The following CUX2 variants were observed in gnomAD, a reference collection of about 807,000 sequenced individuals.
CUX2 encodes homeobox protein cut-like 2.
Under a neutral mutation model 144.8 loss-of-function variants are expected in CUX2, and 40 were observed. The ratio of observed to expected loss-of-function variants is 0.28; its 90% CI spans 0.21 to 0.36. The LOEUF (loss-of-function observed/expected upper bound fraction) is 0.36. Ranked by LOEUF, CUX2 falls within the 10% of genes least tolerant of loss-of-function variation. CUX2 has a pLI of 1.00. For synonymous variants in CUX2, 827 were observed against 875.6 expected (o/e 0.94, Z 0.98); for missense variants, 1,615 against 1,994.0 (o/e 0.81, Z 3.62).
intron 1 of CUX2, among the ~76,000 whole-genome samples, chr12:111,062,808 T>C (rs531152745): frequency 2.0e-5 from 3 of 152,296 alleles, no homozygotes; most frequent in South Asian, 4.2e-4. Flanking sequence ...AGGAGGCGCA[T>C]GGTAGTCCAG....
chr12:111,209,358 C>T (rs1881086132), intron 1 of CUX2, among the ~76,000 whole-genome samples: 1 of 152,156 alleles, frequency 6.6e-6, no homozygotes, highest in Non-Finnish European at 1.5e-5. Flanking sequence ...CATGCCATTG[C>T]AGTCCAGCCT....
chr12:111,140,534 T>A (rs947373554), intron 1 of CUX2, among the ~76,000 whole-genome samples: 1 of 152,232 alleles, frequency 6.6e-6, no homozygotes, highest in African/African-American at 2.4e-5. Flanking sequence ...TCCAGCTTCG[T>A]GGCTGGGTGC....
At chr12:111,260,678 T>C (rs1381391104) in intron 3 of CUX2, among the ~76,000 whole-genome samples, 1 of 152,178 alleles carries the variant, frequency 6.6e-6, no homozygotes, top group Non-Finnish European at 1.5e-5. Context: ...ATGTTAGATT[T>C]AGTCTTCCCC....
chr12:111,329,139 A>C (rs1249065165), intron 18 of CUX2, among the ~76,000 whole-genome samples: 2 of 147,270 alleles, frequency 1.4e-5, no homozygotes, highest in Admixed American at 6.9e-5. Flanking sequence ...CACCATCCTT[A>C]TCTCTCCAGG....
At chr12:111,260,445 C>T (rs1438656545) in intron 3 of CUX2, among the ~76,000 whole-genome samples, 3 of 151,598 alleles carry the variant, frequency 2.0e-5, no homozygotes, top group African/African-American at 7.3e-5. Context: ...GCCTGGGCTA[C>T]AGAGCGAGAC....
At chr12:111,166,994 T>G (rs1878188805) in intron 1 of CUX2, among the ~76,000 whole-genome samples, 1 of 152,106 alleles carries the variant, frequency 6.6e-6, no homozygotes, top group Non-Finnish European at 1.5e-5. Context: ...TGGGATAGCT[T>G]GGAATGGATT....
Position 111,341,926 on chromosome 12 carries a change from G to A in CUX2, c.3532G>A (p.Glu1178Lys), listed in dbSNP as rs758925340. Residue 1178 changes from glutamate (E) to lysine (K), a missense_variant, in exon 21 of 22, where the codon GAG becomes AAG. This residue lies in a region of CUX2 where 131 missense variants were observed against 223.1 expected (regional missense o/e 0.59). Transcript: ENST00000261726. ...IKKPRVVLAPEEKEALRKAYQ... is the reference protein window; with the variant it reads ...IKKPRVVLAPKEKEALRKAYQ... ...GAAGCCCCGGGTGGTGCTGGCACCC[G>A]AGGAGAAGGAGGCACTGCGGAAGGC... is the stretch of plus-strand genomic sequence containing the variant. 3.6e-5 allele frequency: 58 copies of A among 1,613,994 alleles called. 1 individual carries two copies. The South Asian group carries it at 5.5e-4, about 15-fold the overall frequency.
At chr12:111,122,932 A>G (rs1874780590) in intron 1 of CUX2, among the ~76,000 whole-genome samples, 2 of 152,356 alleles carry the variant, frequency 1.3e-5, no homozygotes, top group Admixed American at 6.5e-5. Context: ...AAGGTTATGC[A>G]TCGGCTTTGA....
chr12:111,191,258 A>G (rs992011137), intron 1 of CUX2, among the ~76,000 whole-genome samples: 2 of 152,122 alleles, frequency 1.3e-5, no homozygotes, highest in African/African-American at 4.8e-5. Context: ...CCTGGCCCAC[A>G]GGGGTCATTG....
At chr12:111,256,131 C>T (rs917488283) in intron 3 of CUX2, among the ~76,000 whole-genome samples, 1 of 152,078 alleles carries the variant, frequency 6.6e-6, no homozygotes, top group African/African-American at 2.4e-5. Context: ...GGGTTCTCAT[C>T]GCTCCTCTCC....
chr12:111,262,415 A>G (rs964372197), intron 3 of CUX2, among the ~76,000 whole-genome samples: 6 of 140,976 alleles, frequency 4.3e-5, no homozygotes, highest in Admixed American at 7.5e-5. Context: ...GTCTCACTCT[A>G]TTGCCCAGGC....
At chr12:111,159,298 G>A (rs1039831830) in intron 1 of CUX2, among the ~76,000 whole-genome samples, 3 of 149,680 alleles carry the variant, frequency 2.0e-5, no homozygotes, top group African/African-American at 7.4e-5. Context: ...ACAGGTGTGC[G>A]CCACCATGCC....
chr12:111,183,405 A>G (rs2136184133), intron 1 of CUX2, among the ~76,000 whole-genome samples: 1 of 152,332 alleles, frequency 6.6e-6, no homozygotes, highest in Middle Eastern at 3.4e-3. Flanking sequence ...CCAGTTTAAC[A>G]TCACCAGAGA....
intron 1 of CUX2, among the ~76,000 whole-genome samples, chr12:111,212,455 C>T (rs150691825): frequency 0.015 from 2,293 of 152,282 alleles, 56 homozygotes; most frequent in African/African-American, 0.052. Context: ...GTGGCACCAT[C>T]ACAGCTCACT....
intron 1 of CUX2, among the ~76,000 whole-genome samples, chr12:111,203,506 C>T (rs375375466): frequency 7.4e-5 from 11 of 149,494 alleles, no homozygotes; most frequent in African/African-American, 2.5e-4. Context: ...GATTGTGCCA[C>T]TGTACTGCAG....
In CUX2 at chr12:111,312,293, G is replaced by T; in HGVS notation, c.2002+92G>T. The T allele has an allele frequency of 8.6e-7, 1 of 1,160,010 alleles. No individual in the cohort carries two copies. The highest frequency in any genetic ancestry group is 1.4e-5 in the South Asian group (1 of 70,416). The allele number at this position is 1,160,010 out of a possible 1,614,324, so 71.9% of individuals were successfully genotyped here. On this transcript the variant is annotated intron_variant, in intron 16 of 21. Transcript: ENST00000261726. The surrounding 1 kb of genome is among the most constrained non-coding windows in gnomAD (Gnocchi z 4.3). ...TCGTCTACCTTTGTCCACCCCAGAGGGAATCCAAGGTGGATCAGAACCACC... is the reference window on the plus strand; with the variant it reads ...TCGTCTACCTTTGTCCACCCCAGAGTGAATCCAAGGTGGATCAGAACCACC...
Position 111,320,371 on chromosome 12 carries a change from C to A in CUX2, c.2362C>A (p.His788Asn), listed in dbSNP as rs1353542192. ...EIGDAGYFDH[H>N]WASDRGLLSR... Reference sequence around the variant, plus strand: ...CGGCGACGCCGGCTACTTCGACCACCACTGGGCCTCCGACCGCGGCCTGCT... The same window carrying A: ...CGGCGACGCCGGCTACTTCGACCACAACTGGGCCTCCGACCGCGGCCTGCT... Residue 788 changes from histidine (H) to asparagine (N), a missense_variant, in exon 17 of 22, where the codon CAC becomes AAC. This residue lies in a region of CUX2 where 390 missense variants were observed against 387.1 expected (regional missense o/e 1.01). Transcript: ENST00000261726. This position sits in a 1 kb window ranked among gnomAD's most constrained non-coding sequence, Gnocchi z 8.1. The A allele has an allele frequency of 6.3e-7, 1 of 1,598,146 alleles. No homozygotes were observed. The highest frequency in any genetic ancestry group is 8.5e-7 in the Non-Finnish European group (1 of 1,179,168).
rs776819036 is a variant in CUX2, at chr12:111,037,218, C to T, written c.63+2978C>T. ...TGTGAGGAGGTGCGTGGCTTTCATT[C>T]CTGGCTGTTCAGGTTGAATGGTTTC... On this transcript the variant is annotated intron_variant, in intron 1 of 21. Transcript: ENST00000261726. The surrounding 1 kb of genome is among the most constrained non-coding windows in gnomAD (Gnocchi z 5.4). Among the ~76,000 whole-genome samples, 1 of 152,138 alleles carries T rather than the reference C, an allele frequency of 6.6e-6. No individual in the cohort carries two copies. The highest frequency in any genetic ancestry group is 1.5e-5 in the Non-Finnish European group (1 of 68,026).
At chr12:111,315,143 G>C (rs920819126) in intron 16 of CUX2, among the ~76,000 whole-genome samples, 2 of 152,048 alleles carry the variant, frequency 1.3e-5, no homozygotes, top group Non-Finnish European at 2.9e-5. Flanking sequence ...CCATACCCCT[G>C]GCAAAAAAAA....
Sources: allele counts gnomAD v4.1 joint callset (sites outside exome capture counted in the v4.1 genomes callset), GRCh38; gene constraint gnomAD v4.1.1; regional missense constraint gnomAD v4.1.1; non-coding constraint Gnocchi (gnomAD v3.1); transcripts MANE v1.5; gene names NCBI Gene and HGNC (gene_info 2026-07-23, HGNC 2026-07-21).